Variants in ANKH observed in about 807,000 individuals in gnomAD.
The protein encoded by ANKH is ANKH inorganic pyrophosphate transport regulator.
Under a neutral mutation model 49.0 loss-of-function variants are expected in ANKH, and 15 were observed. That is an observed-to-expected ratio of 0.31 (90% confidence interval 0.20 to 0.47). ANKH has a LOEUF of 0.47. Ranked by LOEUF, ANKH falls within the 20% of genes least tolerant of loss-of-function variation. ANKH has a pLI of 1.00. For synonymous variants in ANKH, 273 were observed against 260.0 expected (o/e 1.05, Z -0.48); for missense variants, 429 against 652.0 (o/e 0.66, Z 3.72).
At chr5:14,769,569 C>T (rs549603644) in intron 1 of ANKH, among the ~76,000 whole-genome samples, 5 of 151,900 alleles carry the variant, frequency 3.3e-5, no homozygotes, top group Non-Finnish European at 5.9e-5. Flanking sequence ...ATTCTGAAAA[C>T]GAGTCTAACA....
chr5:14,859,607 C>T (rs559274470), intron 1 of ANKH, among the ~76,000 whole-genome samples: 4 of 152,310 alleles, frequency 2.6e-5, no homozygotes, highest in Admixed American at 6.5e-5. Context: ...TAACAATGCA[C>T]ATGTGTCATT....
chr5:14,758,152 C>G (rs1261237704), intron 3 of ANKH, among the ~76,000 whole-genome samples: 1 of 152,214 alleles, frequency 6.6e-6, no homozygotes, highest in Non-Finnish European at 1.5e-5. Context: ...AAGACACGCT[C>G]AGTGAAATAC....
At chr5:14,821,926 T>C (rs1741208108) in intron 1 of ANKH, among the ~76,000 whole-genome samples, 1 of 152,262 alleles carries the variant, frequency 6.6e-6, no homozygotes, top group Non-Finnish European at 1.5e-5. Context: ...AACCCTGCTA[T>C]GGAACAGCAT....
chr5:14,866,286 G>T (rs768423723), intron 1 of ANKH, among the ~76,000 whole-genome samples: 1 of 152,214 alleles, frequency 6.6e-6, no homozygotes, highest in Non-Finnish European at 1.5e-5. Flanking sequence ...GATTACAGGC[G>T]TGAGCCACCG....
chr5:14,858,851 ATTC>A (rs1441710717), intron 1 of ANKH, among the ~76,000 whole-genome samples: 2 of 151,854 alleles, frequency 1.3e-5, no homozygotes, highest in African/African-American at 4.8e-5. Flanking sequence ...TGCATAAGAT[ATTC>A]TTATTTTCTT....
In ANKH at chr5:14,711,121, G is replaced by C. The variant is rs1040210314; in HGVS notation, c.*76C>G. The stretch of plus-strand genomic sequence containing the variant: ...AAACAAAAAAAAGGGAACAAAATAC[G>C]ATGGGAGAGGGAAGAGATGATGCCG... On this transcript the variant is annotated 3_prime_UTR_variant, in exon 12 of 12. Transcript: ENST00000284268. 13 of 1,240,226 alleles carry C rather than the reference G, an allele frequency of 1.0e-5. No individual in the cohort carries two copies. In the African/African-American group the frequency reaches 1.5e-4, roughly 14 times the overall value. 76.8% of individuals were successfully genotyped at this position (1,240,226 alleles called of 1,614,324 possible). A position where few individuals can be genotyped will look rare whatever the true frequency, so the allele number is the denominator to read the frequency against.
At chr5:14,726,265 T>C (rs1368990002) in intron 8 of ANKH, among the ~76,000 whole-genome samples, 1 of 152,194 alleles carries the variant, frequency 6.6e-6, no homozygotes, top group African/African-American at 2.4e-5. Flanking sequence ...GAATGCTGTT[T>C]GGCCTTTTGT....
intron 1 of ANKH, chr5:14,797,366 C>G (rs527547624): frequency 1.2e-6 from 2 of 1,610,472 alleles, no homozygotes; most frequent in Non-Finnish European, 1.7e-6. Context: ...TACTTAAATC[C>G]TAGACATTCG....
intron 4 of ANKH, among the ~76,000 whole-genome samples, chr5:14,755,642 A>G (rs1295925513): frequency 4.6e-5 from 7 of 152,194 alleles, no homozygotes; most frequent in African/African-American, 1.7e-4. Context: ...CTTACAACCC[A>G]TATTCTAGCA....
chr5:14,805,239 C>T lies in ANKH; in HGVS notation c.97-36048G>A, dbSNP rs529883159. ...CATCTTTCTCCCATGCTGGATGCTT[C>T]CTGCCCTCGAACATCAGACTCCAAG... On this transcript the variant is annotated intron_variant, in intron 1 of 11. Coordinates refer to ENST00000284268, the MANE Select transcript of ANKH (RefSeq NM_054027.6). Among the ~76,000 whole-genome samples, 6 of 151,892 alleles carry T rather than the reference C, an allele frequency of 4.0e-5. No homozygotes were observed. In the South Asian group the frequency reaches 1.3e-3, roughly 32 times the overall value.
chr5:14,809,233 C>G (rs1198851312), intron 1 of ANKH, among the ~76,000 whole-genome samples: 2 of 119,550 alleles, frequency 1.7e-5, no homozygotes, highest in African/African-American at 6.5e-5. Context: ...ATACCTAATG[C>G]TAGATGACAC....
intron 1 of ANKH, among the ~76,000 whole-genome samples, chr5:14,811,475 T>C (rs1740882718): frequency 1.3e-5 from 2 of 152,096 alleles, no homozygotes; most frequent in Non-Finnish European, 2.9e-5. Flanking sequence ...ATACTGTAGG[T>C]CCTTTTGAAT....
intron 1 of ANKH, among the ~76,000 whole-genome samples, chr5:14,806,972 A>ATTTT (rs1400026476): frequency 6.6e-6 from 1 of 152,158 alleles, no homozygotes; most frequent in Non-Finnish European, 1.5e-5. Flanking sequence ...TTTTAAACTC[A>ATTTT]TTTTTAAAGT....
chr5:14,838,286 A>C (rs1741716592), intron 1 of ANKH, among the ~76,000 whole-genome samples: 1 of 151,790 alleles, frequency 6.6e-6, no homozygotes, highest in South Asian at 2.1e-4. Flanking sequence ...CCTAACGCTA[A>C]ACGACGAGTT....
At chr5:14,715,186 C>T (rs965320527) in intron 9 of ANKH, among the ~76,000 whole-genome samples, 4 of 152,254 alleles carry the variant, frequency 2.6e-5, no homozygotes, top group Admixed American at 1.3e-4. Context: ...GGCTGGAGTG[C>T]AGTGGTGCAA....
At chr5:14,864,684 T>C (rs752940195) in intron 1 of ANKH, among the ~76,000 whole-genome samples, 14 of 152,232 alleles carry the variant, frequency 9.2e-5, no homozygotes, top group East Asian at 3.8e-4. Flanking sequence ...AAGATGTTCA[T>C]TGAAACTTTA....
chr5:14,749,048 G>A (rs1738629200), intron 6 of ANKH, 124 bp downstream of exon 6: 4 of 1,362,624 alleles, frequency 2.9e-6, no homozygotes, highest in Non-Finnish European at 4.1e-6. Flanking sequence ...TTCCTAGTGT[G>A]ACTGTCATGT....
rs1025838224 is a variant in ANKH, at chr5:14,709,864, A to G, written c.*1333T>C. On this transcript the variant is annotated 3_prime_UTR_variant, in exon 12 of 12. Coordinates refer to ENST00000284268, the MANE Select transcript of ANKH (RefSeq NM_054027.6). Reference sequence around the variant, plus strand: ...AAAATGCGAAAATAGGAAATGTATTATAGCCTAAAATAAATTACATAACAT... The same window carrying G: ...AAAATGCGAAAATAGGAAATGTATTGTAGCCTAAAATAAATTACATAACAT... 5.9e-5 allele frequency: 9 copies of G among 152,690 alleles called. No homozygotes were observed. The highest frequency in any genetic ancestry group is 2.1e-4 in the South Asian group (1 of 4,836). 9.5% of individuals were successfully genotyped at this position (152,690 alleles called of 1,614,324 possible).
intron 8 of ANKH, among the ~76,000 whole-genome samples, chr5:14,735,005 G>C (rs1290524832): frequency 6.6e-6 from 1 of 152,164 alleles, no homozygotes; most frequent in Non-Finnish European, 1.5e-5. Context: ...GTTAGTCCTG[G>C]ACTCTGCAAA....
Sources: allele counts gnomAD v4.1 joint callset (sites outside exome capture counted in the v4.1 genomes callset), GRCh38; gene constraint gnomAD v4.1.1; transcripts MANE v1.5; gene names NCBI Gene and HGNC (gene_info 2026-07-23, HGNC 2026-07-21).